The following LIMCH1 variants were observed in gnomAD, a reference collection of about 807,000 sequenced individuals.
The protein encoded by LIMCH1 is LIM and calponin homology domains-containing protein 1.
A neutral mutation model predicts 176.5 loss-of-function variants in LIMCH1; 113 were observed. The ratio of observed to expected loss-of-function variants is 0.64; its 90% CI spans 0.55 to 0.75. The LOEUF (loss-of-function observed/expected upper bound fraction) is 0.75. Ranked by LOEUF, LIMCH1 falls within the 30% of genes least tolerant of loss-of-function variation. The probability of loss-of-function intolerance (pLI) is 0.00; values close to 1 mark genes in which losing one functional copy is unlikely to be tolerated. For synonymous variants in LIMCH1, 619 were observed against 645.9 expected, an observed-to-expected ratio of 0.96 and a Z score of 0.63; for missense variants, 1,674 against 1,814.9, an observed-to-expected ratio of 0.92 and a Z score of 1.41.
chr4:41,620,432 A>T lies in LIMCH1; in HGVS notation c.467A>T (p.Glu156Val), dbSNP rs1306291967. 2 of 1,535,838 alleles carry T rather than the reference A, an allele frequency of 1.3e-6. No homozygotes were observed. The highest frequency in any genetic ancestry group is 8.7e-7 in the Non-Finnish European group (1 of 1,146,832). ...LGGERPFSFP[E>V]TIEEEGSEVG... ...ATTGTCCAACTCACTAGCTTTCCTG[A>T]AACGATAGAGGAAGAGGGGAGTGAA... Residue 156 changes from glutamate to valine, a missense_variant, in exon 7 of 32, where the codon GAA (glutamate) becomes GTA (valine). Physicochemically the swap from Glu to Val is moderately radical, Grantham distance 121. Coordinates refer to ENST00000503057, the MANE Select transcript of LIMCH1 (RefSeq NM_001330672.2).
rs968149819 is a variant in LIMCH1 at position 41,473,033 on chromosome 4, C to T, written c.97-21503C>T. The stretch of plus-strand genomic sequence containing the variant: ...AGAGAATAAATGCGAAGGCCAATCT[C>T]CACGAAATAATAATGTAATTCCATT... On this transcript the variant is annotated intron_variant, in intron 1 of 26. Transcript: ENST00000313860. 5.1e-6 allele frequency: 5 copies of T among 984,336 alleles called. No individual in the cohort carries two copies. In the South Asian group the frequency reaches 1.9e-4, roughly 37 times the overall value. 61.0% of individuals were successfully genotyped at this position (984,336 alleles called of 1,614,324 possible). A position where few individuals can be genotyped will look rare whatever the true frequency, so the allele number is the denominator to read the frequency against.
Position 41,684,215 on chromosome 4 carries a change from G to A in LIMCH1, c.3846-182G>A, listed in dbSNP as rs185389431. Among the ~76,000 whole-genome samples the A allele has an allele frequency of 6.4e-4, 98 of 152,220 alleles. 1 individual carries two copies. The highest frequency in any genetic ancestry group is 7.1e-4 in the Non-Finnish European group (48 of 68,002). ...ATAGTTTGTTGAGCTTGTTAAATGG[G>A]TGGATAATAGAAATTTGTAGTACTT... is the stretch of plus-strand genomic sequence containing the variant. On this transcript the variant is annotated intron_variant, in intron 26 of 31. Coordinates refer to ENST00000503057, the MANE Select transcript of LIMCH1 (RefSeq NM_001330672.2).
chr4:41,412,456 A>G (rs1561285948), intron 1 of LIMCH1, among the ~76,000 whole-genome samples: 1 of 152,210 alleles, frequency 6.6e-6, no homozygotes, highest in Non-Finnish European at 1.5e-5. Flanking sequence ...TAAGGATACT[A>G]AGTGACATGA....
chr4:41,626,970 T>C lies in LIMCH1; in HGVS notation c.988T>C (p.Ser330Pro). ...AEKSDGSKQL[S>P]KGISKKRSLE... ...GAAATCAGATGGCAGCAAACAGCTC[T>C]CAAAGGGAATCTCAAAAAAAAGAAG... The change falls in exon 8 of 32, where the codon TCA becomes CCA. Residue 330 changes from serine (S) to proline (P), a missense_variant. By Grantham distance (74) the Ser-to-Pro change is moderately conservative. This residue lies in a region of LIMCH1 where 655 missense variants were observed against 692.2 expected (regional missense o/e 0.95). Transcript: ENST00000503057. The C allele has an allele frequency of 1.3e-6, 2 of 1,535,362 alleles. No homozygotes were observed.
At chr4:41,655,581 A>C (rs113913541) in intron 18 of LIMCH1, among the ~76,000 whole-genome samples, 2,117 of 152,322 alleles carry the variant, frequency 0.014, 33 homozygotes, top group African/African-American at 0.036. Context: ...TTGTTGTTCC[A>C]ATTGTAATTC....
upstream of LIMCH1, among the ~76,000 whole-genome samples, chr4:41,533,805 C>T (rs904026851): frequency 4.6e-5 from 7 of 152,148 alleles, no homozygotes; most frequent in African/African-American, 1.7e-4. Context: ...TAGTGAAGAT[C>T]ATGGAGTTAG....
chr4:41,641,250 C>T (rs1349792895), intron 14 of LIMCH1, among the ~76,000 whole-genome samples: 3 of 152,166 alleles, frequency 2.0e-5, no homozygotes, highest in Non-Finnish European at 2.9e-5. Flanking sequence ...TCCAGGATCC[C>T]ATATCCGCCA....
rs188847023 is a variant in LIMCH1, at chr4:41,509,983, G to C, written c.168-14426G>C. On this transcript the variant is annotated intron_variant, in intron 2 of 26. Coordinates refer to the LIMCH1 transcript ENST00000313860. ...GCTCATCCATCTTTGTAAATATTCT[G>C]TTCATTAAAAATTATACGATCCTTG... Among the ~76,000 whole-genome samples the C allele has an allele frequency of 2.6e-4, 40 of 152,246 alleles. No homozygotes were observed. The East Asian group carries it at 7.5e-3, about 29-fold the overall frequency.
chr4:41,684,322 T>A, intron 26 of LIMCH1, 75 bp from the exon 27 acceptor site: 2 of 1,376,908 alleles, frequency 1.5e-6, no homozygotes, highest in Admixed American at 4.2e-5. Context: ...CTCCCATCCT[T>A]TAAGTTATAG....
intron 1 of LIMCH1, among the ~76,000 whole-genome samples, chr4:41,584,665 A>G (rs1431220527): frequency 6.6e-6 from 1 of 152,000 alleles, no homozygotes; most frequent in Non-Finnish European, 1.5e-5. Context: ...TGATGTGTTT[A>G]TTGCTGTTTT....
chr4:41,547,343 C>G (rs2079592533), intron 1 of LIMCH1, among the ~76,000 whole-genome samples: 1 of 152,032 alleles, frequency 6.6e-6, no homozygotes, highest in Non-Finnish European at 1.5e-5. Flanking sequence ...TCCGGTAACC[C>G]CCATTCTACT....
chr4:41,525,015 C>T (rs980834752), intron 3 of LIMCH1, among the ~76,000 whole-genome samples: 3 of 152,182 alleles, frequency 2.0e-5, no homozygotes, highest in Non-Finnish European at 4.4e-5. Context: ...AGAATCCTTG[C>T]CCTTCTGAAC....
chr4:41,521,167 G>A (rs958889378), intron 2 of LIMCH1, among the ~76,000 whole-genome samples: 5 of 152,114 alleles, frequency 3.3e-5, no homozygotes, highest in Non-Finnish European at 7.4e-5. Context: ...CTCGAATTAT[G>A]CTTTGATGAC....
intron 1 of LIMCH1, among the ~76,000 whole-genome samples, chr4:41,570,459 T>C (rs373110821): frequency 6.6e-6 from 1 of 152,248 alleles, no homozygotes; most frequent in Middle Eastern, 3.2e-3. Flanking sequence ...TTCAGTGATA[T>C]GTTTTGCATT....
chr4:41,533,120 A>G (rs2077503482), intron 3 of LIMCH1, among the ~76,000 whole-genome samples: 1 of 152,190 alleles, frequency 6.6e-6, no homozygotes. Flanking sequence ...AACAGCTTAC[A>G]GGGTTGCAGC....
rs932681379 is a variant in LIMCH1, at chr4:41,360,877, C to T, written c.37C>T (p.Pro13Ser). ...CGCTCTCGGTCTGGAAGCTCTTCAG[C>T]CCCTGCAGCCCGAGCCGCCCCCCGA... The change falls in exon 1 of 27, where the codon CCC becomes TCC. Residue 13 changes from proline to serine, a missense_variant. Pro to Ser is a moderately conservative substitution (Grantham distance 74). Transcript: ENST00000313860. This position sits in a 1 kb window ranked among gnomAD's most constrained non-coding sequence, Gnocchi z 4.5. 1.3e-6 allele frequency: 2 copies of T among 1,584,694 alleles called. No homozygotes were observed. The highest frequency in any genetic ancestry group is 1.3e-5 in the African/African-American group (1 of 74,132).
chr4:41,412,228 G>A (rs1213587025), intron 1 of LIMCH1, among the ~76,000 whole-genome samples: 2 of 152,130 alleles, frequency 1.3e-5, no homozygotes, highest in Non-Finnish European at 1.5e-5. Context: ...TATGGCACTT[G>A]GTCTTCCTCA....
intron 1 of LIMCH1, among the ~76,000 whole-genome samples, chr4:41,562,476 G>A (rs995531161): frequency 6.6e-6 from 1 of 152,164 alleles, no homozygotes; most frequent in Non-Finnish European, 1.5e-5. Flanking sequence ...CAATTTTGGT[G>A]CAATGCTGAG....
At chr4:41,688,690 A>G (rs1722893378) in intron 29 of LIMCH1, among the ~76,000 whole-genome samples, 1 of 152,196 alleles carries the variant, frequency 6.6e-6, no homozygotes, top group African/African-American at 2.4e-5. Flanking sequence ...TTCAGAGGAC[A>G]GCTATCTAGT....
Sources: allele counts gnomAD v4.1 joint callset (sites outside exome capture counted in the v4.1 genomes callset), GRCh38; gene constraint gnomAD v4.1.1; regional missense constraint gnomAD v4.1.1; non-coding constraint Gnocchi (gnomAD v3.1); transcripts MANE v1.5; gene names NCBI Gene and HGNC (gene_info 2026-07-23, HGNC 2026-07-21).